The following CFAP61 variants were observed in gnomAD, a reference collection of about 807,000 sequenced individuals.
CFAP61 encodes cilia and flagella associated protein 61, also known as cilia- and flagella-associated protein 61.
CFAP61 carries 107 observed loss-of-function variants against 135.6 expected under a neutral mutation model. That is an observed-to-expected ratio of 0.79 (90% CI 0.67 to 0.93). CFAP61 has a LOEUF of 0.93. CFAP61 is among the 40% of genes least tolerant of loss of function. The pLI is 0.00. For synonymous variants in CFAP61, 575 were observed against 578.5 expected (o/e 0.99, Z 0.09); for missense variants, 1,507 against 1,556.2 (o/e 0.97, Z 0.53).
rs528406527 is a variant in CFAP61, at chr20:20,064,084, G to T, written c.144-6770G>T. Among the ~76,000 whole-genome samples the T allele has an allele frequency of 3.3e-4, 45 of 136,760 alleles. No homozygotes were observed. The South Asian group carries it at 9.5e-3, about 29-fold the overall frequency. The allele number at this position is 136,760 out of a possible 152,430, so 89.7% of individuals were successfully genotyped here. A position where few individuals can be genotyped will look rare whatever the true frequency, so the allele number is the denominator to read the frequency against. On this transcript the variant is annotated intron_variant, in intron 2 of 26. Coordinates refer to ENST00000245957, the MANE Select transcript of CFAP61 (RefSeq NM_015585.4). ...GGGAATATATTCCAAGACCCCCAGT[G>T]GATGTCTGAAACTGAGGATGGTACC...
intron 8 of CFAP61, among the ~76,000 whole-genome samples, chr20:20,141,508 G>A (rs1219709549): frequency 6.6e-6 from 1 of 152,126 alleles, no homozygotes; most frequent in East Asian, 1.9e-4. Context: ...TCTCTTCTCA[G>A]GACATTTTCT....
chr20:20,162,991 G>A (rs1327109915), intron 10 of CFAP61, among the ~76,000 whole-genome samples: 4 of 152,144 alleles, frequency 2.6e-5, no homozygotes, highest in South Asian at 2.1e-4. Context: ...CATCAATATT[G>A]AATAGGAAAT....
rs747929927 is a variant in CFAP61, at chr20:20,071,000, G to A, written c.290G>A (p.Cys97Tyr). ...VFRELDSDIP[C>Y]TPLNTLFMHL... Reference sequence around the variant, plus strand: ...CGGGAGCTCGACAGTGACATCCCATGCACAGTAAGAAATCACATACAGTGC... The same window carrying A: ...CGGGAGCTCGACAGTGACATCCCATACACAGTAAGAAATCACATACAGTGC... Residue 97 changes from cysteine to tyrosine, a missense_variant, in exon 3 of 27, where the codon TGC (cysteine) becomes TAC (tyrosine). Coordinates refer to ENST00000245957, the MANE Select transcript of CFAP61 (RefSeq NM_015585.4). 1 of 1,613,468 alleles carries A rather than the reference G, an allele frequency of 6.2e-7. No homozygotes were observed. Among genetic ancestry groups the A allele is most frequent in the South Asian group, 1.1e-5 (1 of 90,898 alleles).
At chr20:20,322,744 G>T (rs140322535) in intron 25 of CFAP61, 1 of 985,324 alleles carries the variant, frequency 1.0e-6, no homozygotes, top group Non-Finnish European at 1.2e-6. Context: ...GAACAGAAGA[G>T]ATCATTAGAG....
chr20:20,235,407 C>T (rs762523833), intron 18 of CFAP61, among the ~76,000 whole-genome samples: 1 of 152,092 alleles, frequency 6.6e-6, no homozygotes, highest in Non-Finnish European at 1.5e-5. Context: ...CCCAGACCTC[C>T]TGCATCAGAA....
chr20:20,097,759 T>G lies in CFAP61; in HGVS notation c.700-896T>G, dbSNP rs143739574. 2.4e-3 allele frequency among the ~76,000 whole-genome samples: 367 copies of G among 152,326 alleles called. 3 individuals are homozygous for G. The highest frequency in any genetic ancestry group is 8.2e-3 in the African/African-American group (342 of 41,578). ...ACCTGGTGAACCAGCCTAGCCTGAC[T>G]CAAGTTTACTTCACTGGAACATTTT... On this transcript the variant is annotated intron_variant, in intron 7 of 26. Transcript: ENST00000245957.
chr20:20,197,385 A>G (rs1271690303), intron 16 of CFAP61, among the ~76,000 whole-genome samples: 1 of 152,188 alleles, frequency 6.6e-6, no homozygotes, highest in Non-Finnish European at 1.5e-5. Flanking sequence ...CAAGTCCTCC[A>G]TCTTACTTGC....
At position 20,111,172 on chromosome 20, in the gene CFAP61, CTA is replaced by C. The variant is rs768235672; in HGVS notation, c.859+12359_859+12360del. On this transcript the variant is annotated intron_variant, in intron 8 of 26. Transcript: ENST00000245957. ...ATATTATTTTGTTTGTAAAATAAAT[CTA>C]GTTTCATTAAATTTGGTTTGATTAT... 2.0e-5 allele frequency among the ~76,000 whole-genome samples: 3 copies of C among 152,146 alleles called. No homozygotes were observed. In the East Asian group the frequency reaches 5.8e-4, roughly 29 times the overall value.
At chr20:20,340,161 G>A (rs777036741) in intron 25 of CFAP61, among the ~76,000 whole-genome samples, 5 of 152,200 alleles carry the variant, frequency 3.3e-5, no homozygotes, top group African/African-American at 1.2e-4. Flanking sequence ...GCCTCAAGTC[G>A]CAAATCCATT....
chr20:20,322,771 A>AGCAACCTGT, intron 25 of CFAP61: 1 of 985,408 alleles, frequency 1.0e-6, no homozygotes. Flanking sequence ...CGTGTTGCCT[A>AGCAACCTGT]GCAACCTGTG....
At position 20,261,802 on chromosome 20, in the gene CFAP61, C is replaced by T. The variant is rs145798777; in HGVS notation, c.2329-1154C>T. ...CTCAGTCATGGCTGAAATCTCTGGC[C>T]CAAGCACAAACCCTCCAGTTTGCCA... is the stretch of plus-strand genomic sequence containing the variant. On this transcript the variant is annotated intron_variant, in intron 20 of 26. Coordinates refer to ENST00000245957, the MANE Select transcript of CFAP61 (RefSeq NM_015585.4). 5.0e-3 allele frequency among the ~76,000 whole-genome samples: 760 copies of T among 151,428 alleles called. 2 individuals are homozygous for T. The highest frequency in any genetic ancestry group is 0.02 in the South Asian group (93 of 4,762).
At chr20:20,280,864 C>T (rs1379774563) in intron 22 of CFAP61, among the ~76,000 whole-genome samples, 7 of 152,140 alleles carry the variant, frequency 4.6e-5, no homozygotes, top group Non-Finnish European at 1.0e-4. Flanking sequence ...AGATACTCCA[C>T]GTTCTTGTCA....
At chr20:20,312,408 C>T (rs975516486) in intron 25 of CFAP61, among the ~76,000 whole-genome samples, 4 of 152,068 alleles carry the variant, frequency 2.6e-5, no homozygotes, top group East Asian at 1.9e-4. Flanking sequence ...GATTAGACCT[C>T]GCTGGGAAAA....
At chr20:20,190,212 T>C (rs944344766) in intron 14 of CFAP61, among the ~76,000 whole-genome samples, 1 of 152,248 alleles carries the variant, frequency 6.6e-6, no homozygotes, top group South Asian at 2.1e-4. Flanking sequence ...AGCAAAGATA[T>C]CCTTCAACAG....
rs569213795 is a variant in CFAP61, at chr20:20,237,050, A to T, written c.2060+8674A>T. Reference sequence around the variant, plus strand: ...TCATCTGTTTTGCCAGAACTCCCAAATTTTATTCTTATCTTTTCAATTGAC... The same window carrying T: ...TCATCTGTTTTGCCAGAACTCCCAATTTTTATTCTTATCTTTTCAATTGAC... On this transcript the variant is annotated intron_variant, in intron 18 of 26. Coordinates refer to ENST00000245957, the MANE Select transcript of CFAP61 (RefSeq NM_015585.4). 1.3e-4 allele frequency among the ~76,000 whole-genome samples: 20 copies of T among 152,296 alleles called. No homozygotes were observed. In the South Asian group the frequency reaches 4.1e-3, roughly 32 times the overall value.
chr20:20,076,481 C>T (rs1418132225), intron 6 of CFAP61, among the ~76,000 whole-genome samples: 1 of 152,172 alleles, frequency 6.6e-6, no homozygotes, highest in Admixed American at 6.5e-5. Flanking sequence ...GACATCTGAT[C>T]GCAGCCACAT....
intron 6 of CFAP61, chr20:20,085,383 G>A: frequency 1.5e-6 from 2 of 1,348,280 alleles, no homozygotes; most frequent in East Asian, 4.6e-5. Flanking sequence ...CACTCGGGCT[G>A]ATGCAAGATC....
chr20:20,256,075 G>C (rs765588421), intron 20 of CFAP61, among the ~76,000 whole-genome samples: 3 of 152,184 alleles, frequency 2.0e-5, no homozygotes, highest in Non-Finnish European at 2.9e-5. Flanking sequence ...CCTTCAGCCA[G>C]CCTTGCAAGG....
At chr20:20,131,385 T>A (rs2050517602) in intron 8 of CFAP61, among the ~76,000 whole-genome samples, 1 of 152,184 alleles carries the variant, frequency 6.6e-6, no homozygotes, top group African/African-American at 2.4e-5. Context: ...TATGAATATA[T>A]ACATTTTCTT....
Sources: allele counts gnomAD v4.1 joint callset (sites outside exome capture counted in the v4.1 genomes callset), GRCh38; gene constraint gnomAD v4.1.1; transcripts MANE v1.5; gene names NCBI Gene and HGNC (gene_info 2026-07-23, HGNC 2026-07-21).